The following STXBP5L variants were observed in gnomAD, a reference collection of about 807,000 sequenced individuals.
STXBP5L encodes the protein syntaxin-binding protein 5-like.
Under a neutral mutation model 144.5 loss-of-function variants are expected in STXBP5L, and 65 were observed. That is an observed-to-expected ratio of 0.45 (90% CI 0.37 to 0.55). STXBP5L has a LOEUF of 0.55. Among genes scored for constraint, STXBP5L ranks in the 20% least tolerant of loss-of-function variants. The pLI is 0.00. For missense variants in STXBP5L, 1,298 were observed against 1,405.5 expected (o/e 0.92, Z 1.22); for synonymous variants, 505 against 469.6 (o/e 1.08, Z -0.97).
chr3:120,976,545 T>C (rs1365533026), intron 3 of STXBP5L, among the ~76,000 whole-genome samples: 1 of 152,188 alleles, frequency 6.6e-6, no homozygotes, highest in Non-Finnish European at 1.5e-5. Flanking sequence ...TCTATCTCCT[T>C]CAGTTCTGCT....
At chr3:121,143,315 A>T (rs1399327761) in intron 7 of STXBP5L, among the ~76,000 whole-genome samples, 1 of 151,682 alleles carries the variant, frequency 6.6e-6, no homozygotes, top group Non-Finnish European at 1.5e-5. Context: ...AACAACTTGA[A>T]AAGGGGAAAA....
intron 3 of STXBP5L, among the ~76,000 whole-genome samples, chr3:120,982,576 G>T (rs1227674793): frequency 6.6e-6 from 1 of 152,224 alleles, no homozygotes; most frequent in Non-Finnish European, 1.5e-5. Context: ...GAGGGCTGCA[G>T]AAAATTCCTG....
intron 5 of STXBP5L, among the ~76,000 whole-genome samples, chr3:121,111,010 C>T (rs1033933365): frequency 2.6e-5 from 4 of 152,052 alleles, no homozygotes; most frequent in Non-Finnish European, 5.9e-5. Flanking sequence ...GAAATTCTTT[C>T]CTCCGCTTGG....
intron 20 of STXBP5L, among the ~76,000 whole-genome samples, chr3:121,368,476 T>G (rs909251883): frequency 6.6e-6 from 1 of 152,062 alleles, no homozygotes; most frequent in African/African-American, 2.4e-5. Context: ...CAGGACTTTT[T>G]CAGGGATAAT....
At chr3:121,298,938 G>C (rs1489506794) in intron 19 of STXBP5L, among the ~76,000 whole-genome samples, 1 of 152,180 alleles carries the variant, frequency 6.6e-6, no homozygotes, top group African/African-American at 2.4e-5. Context: ...GAATATATGT[G>C]TTGATTATAT....
chr3:121,412,794 C>G (rs908122869), intron 23 of STXBP5L, among the ~76,000 whole-genome samples: 4 of 148,430 alleles, frequency 2.7e-5, no homozygotes, highest in African/African-American at 1.0e-4. Flanking sequence ...TACCACTGAG[C>G]CTTGAAGATA....
Position 121,424,685 on chromosome 3 carries a change from T to C in STXBP5L, c.*5588T>C, listed in dbSNP as rs1172577695. On this transcript the variant is annotated 3_prime_UTR_variant, in exon 27 of 27. Coordinates refer to ENST00000471454, the MANE Select transcript of STXBP5L (RefSeq NM_001308330.2). ...ACAAATTACTATTTTTCTGTTGCAC[T>C]CAGCAATTGTGACTATACTTAACAA... The C allele has an allele frequency of 6.6e-6, 1 of 152,210 alleles. No homozygotes were observed. The highest frequency in any genetic ancestry group is 2.4e-5 in the African/African-American group (1 of 41,448). 9.4% of individuals were successfully genotyped at this position (152,210 alleles called of 1,614,324 possible).
At position 121,255,578 on chromosome 3, in the gene STXBP5L, AAT is replaced by A. The variant is rs569080634; in HGVS notation, c.1659+467_1659+468del. ...AGTTATTGATTTATTTTTGTATAAAAATCAAATTAATGCAGGCTTTGTTCTAT... is the reference window on the plus strand; with the variant it reads ...AGTTATTGATTTATTTTTGTATAAAACAAATTAATGCAGGCTTTGTTCTAT... On this transcript the variant is annotated intron_variant, in intron 16 of 26. Coordinates refer to ENST00000471454, the MANE Select transcript of STXBP5L (RefSeq NM_001308330.2). Among the ~76,000 whole-genome samples, 9 of 152,156 alleles carry A rather than the reference AAT, an allele frequency of 5.9e-5. No homozygotes were observed. In the East Asian group the frequency reaches 1.7e-3, roughly 29 times the overall value.
intron 19 of STXBP5L, among the ~76,000 whole-genome samples, chr3:121,287,058 C>T (rs1052373599): frequency 3.3e-5 from 5 of 152,016 alleles, no homozygotes; most frequent in East Asian, 1.9e-4. Context: ...TGCTGATCAA[C>T]GTATACATAT....
rs2044021542 is a variant in STXBP5L, at chr3:121,112,210, T to G, written c.471-2715T>G. Among the ~76,000 whole-genome samples, 6 of 152,154 alleles carry G rather than the reference T, an allele frequency of 3.9e-5. No homozygotes were observed. In the South Asian group the frequency reaches 8.3e-4, roughly 21 times the overall value. ...CCCTCCCCTCAGGAACTTGGTAATC[T>G]TAGTCTCTAGCTGAGCGACCGCCAA... On this transcript the variant is annotated intron_variant, in intron 5 of 26. Transcript: ENST00000471454.
chr3:121,213,261 G>A (rs1320896708), intron 10 of STXBP5L, among the ~76,000 whole-genome samples: 1 of 152,142 alleles, frequency 6.6e-6, no homozygotes, highest in Non-Finnish European at 1.5e-5. Flanking sequence ...AATAGGAGTG[G>A]TGAGAGACCT....
At chr3:120,967,767 T>C (rs567804221) in intron 3 of STXBP5L, among the ~76,000 whole-genome samples, 20 of 152,256 alleles carry the variant, frequency 1.3e-4, no homozygotes, top group African/African-American at 4.6e-4. Context: ...TAGAACTGCT[T>C]TTGCTGTATT....
chr3:121,048,785 G>A (rs1403392196), intron 5 of STXBP5L, among the ~76,000 whole-genome samples: 2 of 150,442 alleles, frequency 1.3e-5, no homozygotes, highest in Non-Finnish European at 3.0e-5. Context: ...TCCCTGGTTT[G>A]AGCGATTATC....
chr3:120,997,988 A>G (rs557585783), intron 3 of STXBP5L, among the ~76,000 whole-genome samples: 2 of 152,346 alleles, frequency 1.3e-5, no homozygotes, highest in South Asian at 2.1e-4. Flanking sequence ...AAACCACATG[A>G]TCATCTCAAT....
chr3:121,000,294 A>G (rs935162687), intron 3 of STXBP5L, among the ~76,000 whole-genome samples: 4 of 152,106 alleles, frequency 2.6e-5, no homozygotes, highest in African/African-American at 9.7e-5. Flanking sequence ...CTTATATATT[A>G]TGTTCATTCT....
intron 9 of STXBP5L, among the ~76,000 whole-genome samples, chr3:121,172,623 A>G (rs1043666808): frequency 1.3e-5 from 2 of 152,216 alleles, no homozygotes; most frequent in Non-Finnish European, 2.9e-5. Flanking sequence ...AATCAAAACC[A>G]CAGTGAGATA....
chr3:121,110,889 T>C (rs1166011860), intron 5 of STXBP5L, among the ~76,000 whole-genome samples: 1 of 152,216 alleles, frequency 6.6e-6, no homozygotes, highest in Non-Finnish European at 1.5e-5. Context: ...TTGGTCTTTT[T>C]ACATAACCCC....
intron 7 of STXBP5L, among the ~76,000 whole-genome samples, chr3:121,135,802 G>T (rs774217132): frequency 1.3e-5 from 2 of 152,132 alleles, no homozygotes; most frequent in Non-Finnish European, 2.9e-5. Context: ...TCCTGCTCTA[G>T]ACCACCTTGG....
chr3:121,101,075 G>C (rs1168278147), intron 5 of STXBP5L, among the ~76,000 whole-genome samples: 3 of 151,726 alleles, frequency 2.0e-5, no homozygotes, highest in Non-Finnish European at 4.4e-5. Context: ...CCAATATCAA[G>C]TTCCAAAATT....
Sources: gnomAD v4.1 joint callset for allele counts (sites outside exome capture counted in the v4.1 genomes callset) on GRCh38, gnomAD v4.1.1 for gene constraint, MANE v1.5 for transcripts, NCBI Gene and HGNC (gene_info 2026-07-23, HGNC 2026-07-21) for gene names.